ANO10: variants seen among roughly 807,000 people sequenced by gnomAD.
ANO10 encodes anoctamin-10.
A neutral mutation model predicts 74.7 loss-of-function variants in ANO10; 77 were observed. That is an observed-to-expected ratio of 1.03 (90% CI 0.86 to 1.25). ANO10 has a LOEUF of 1.25. ANO10 is among the 50% of genes most tolerant of loss of function. ANO10 has a pLI of 0.00. For synonymous variants in ANO10, 279 were observed against 284.9 expected (o/e 0.98, Z 0.21); for missense variants, 721 against 778.1 (o/e 0.93, Z 0.87).
chr3:43,395,015 C>T lies in ANO10; in HGVS notation c.1915-28041G>A, dbSNP rs528590877. ...TTTGCTGGACTCTTTTGCTGCTTGGCTTTTTCTCCTAGTGAAGAAAGGGTA... is the reference window on the plus strand; with the variant it reads ...TTTGCTGGACTCTTTTGCTGCTTGGTTTTTTCTCCTAGTGAAGAAAGGGTA... On this transcript the variant is annotated intron_variant, in intron 12 of 12. Transcript: ENST00000292246. 1.9e-3 allele frequency among the ~76,000 whole-genome samples: 287 copies of T among 152,208 alleles called. 2 individuals are homozygous for T. Among genetic ancestry groups the T allele is most frequent in the Non-Finnish European group, 1.8e-3 (122 of 68,006 alleles).
intron 1 of ANO10, among the ~76,000 whole-genome samples, chr3:43,643,091 G>C (rs2083687341): frequency 6.6e-6 from 1 of 151,294 alleles, no homozygotes; most frequent in Non-Finnish European, 1.5e-5. Flanking sequence ...GAGTGCAGTG[G>C]CGCAATCTCG....
chr3:43,513,178 C>A (rs2077575894), intron 11 of ANO10, among the ~76,000 whole-genome samples: 1 of 152,196 alleles, frequency 6.6e-6, no homozygotes, highest in Non-Finnish European at 1.5e-5. Context: ...AGAAACAGAG[C>A]TCTGTTCACA....
chr3:43,482,217 C>T (rs748139662), intron 11 of ANO10, among the ~76,000 whole-genome samples: 15 of 151,982 alleles, frequency 9.9e-5, no homozygotes, highest in Non-Finnish European at 1.6e-4. Flanking sequence ...TGTGAGCCAC[C>T]GCCCCCAGCC....
At chr3:43,622,905 A>C (rs1235036881), upstream of ANO10, among the ~76,000 whole-genome samples, 1 of 152,096 alleles carries the variant, frequency 6.6e-6, no homozygotes, top group East Asian at 1.9e-4. Flanking sequence ...TCGCAATGTC[A>C]CCCAGGCTGG....
intron 11 of ANO10, among the ~76,000 whole-genome samples, chr3:43,434,175 C>T (rs948028450): frequency 1.3e-5 from 2 of 152,108 alleles, no homozygotes; most frequent in Non-Finnish European, 1.5e-5. Flanking sequence ...CTGGTATTAA[C>T]AAGAGACAAA....
intron 7 of ANO10, among the ~76,000 whole-genome samples, chr3:43,566,315 G>A (rs1481391649): frequency 5.9e-5 from 9 of 152,196 alleles, no homozygotes; most frequent in African/African-American, 1.2e-4. Flanking sequence ...TGGGAAGCTC[G>A]AACTGGGTGG....
intron 11 of ANO10, among the ~76,000 whole-genome samples, chr3:43,538,725 T>C (rs922742902): frequency 5.9e-5 from 9 of 152,114 alleles, no homozygotes; most frequent in Non-Finnish European, 1.0e-4. Flanking sequence ...AGAGGCTAGA[T>C]GCAGAGGGGG....
In ANO10 at chr3:43,580,391, G is replaced by C. The variant is rs766071472; in HGVS notation, c.554C>G (p.Thr185Ser). The C allele has an allele frequency of 1.2e-6, 2 of 1,614,082 alleles. No individual in the cohort carries two copies. The highest frequency in any genetic ancestry group is 1.1e-5 in the South Asian group (1 of 91,084). Residue 185 changes from threonine to serine, a missense_variant, in exon 5 of 13, where the codon ACC becomes AGC. Coordinates refer to ENST00000292246, the MANE Select transcript of ANO10 (RefSeq NM_018075.5). Reference protein sequence around the residue: ...DSEALKKLEDTWYTRFALKYQ... With the variant: ...DSEALKKLEDSWYTRFALKYQ... ...CTTCAAAGCAAACCGAGTGTACCAG[G>C]TGTCCTCAAGCTTCTTCAGGGCTTC...
chr3:43,585,576 A>G (rs547136130), intron 4 of ANO10, among the ~76,000 whole-genome samples: 2 of 152,322 alleles, frequency 1.3e-5, no homozygotes, highest in South Asian at 4.1e-4. Context: ...ATCAAAGAGC[A>G]CACACACTCT....
chr3:43,668,606 C>T (rs577277718), intron 1 of ANO10, among the ~76,000 whole-genome samples: 3 of 151,834 alleles, frequency 2.0e-5, no homozygotes, highest in Non-Finnish European at 2.9e-5. Flanking sequence ...TTTTTGTATA[C>T]GGTAATAGAT....
At chr3:43,437,211 A>G (rs954870294) in intron 11 of ANO10, among the ~76,000 whole-genome samples, 9 of 152,200 alleles carry the variant, frequency 5.9e-5, no homozygotes, top group African/African-American at 9.6e-5. Context: ...GATGTATTCT[A>G]AAAGAAACAA....
chr3:43,397,425 T>C (rs2092402804), intron 12 of ANO10, among the ~76,000 whole-genome samples: 3 of 152,126 alleles, frequency 2.0e-5, no homozygotes, highest in Admixed American at 2.0e-4. Flanking sequence ...GGGGCGTATA[T>C]TTATATTCCT....
At chr3:43,630,046 G>A (rs1286697098) in intron 1 of ANO10, among the ~76,000 whole-genome samples, 1 of 152,126 alleles carries the variant, frequency 6.6e-6, no homozygotes, top group Non-Finnish European at 1.5e-5. Flanking sequence ...AGGAACTTGG[G>A]AAAGACTGGC....
intron 3 of ANO10, 33 bp from the exon 4 acceptor site, chr3:43,598,699 A>G (rs1260783261): frequency 1.3e-6 from 2 of 1,505,992 alleles, no homozygotes; most frequent in Non-Finnish European, 1.8e-6. Context: ...AGATTTTAGT[A>G]ATAATCAAAA....
intron 10 of ANO10, 30 bp downstream of exon 10, chr3:43,555,248 A>T (rs1575415433): frequency 1.2e-6 from 2 of 1,604,822 alleles, no homozygotes; most frequent in Non-Finnish European, 1.7e-6. Flanking sequence ...TTTATTTTTT[A>T]AAGGAATAAT....
chr3:43,560,408 T>C (rs757507851), intron 9 of ANO10, among the ~76,000 whole-genome samples: 45 of 152,134 alleles, frequency 3.0e-4, no homozygotes, highest in Non-Finnish European at 5.7e-4. Flanking sequence ...AGAAAAATTA[T>C]GAAAGTCAGT....
chr3:43,404,674 G>T (rs905017742), intron 12 of ANO10, among the ~76,000 whole-genome samples: 2 of 151,928 alleles, frequency 1.3e-5, no homozygotes, highest in Non-Finnish European at 2.9e-5. Flanking sequence ...TTGAGCCCAG[G>T]AGTTTGAGAC....
At chr3:43,423,761 T>A (rs1029168582) in intron 12 of ANO10, among the ~76,000 whole-genome samples, 3 of 152,184 alleles carry the variant, frequency 2.0e-5, no homozygotes, top group Admixed American at 6.5e-5. Context: ...TACCTGCAAA[T>A]GGCTAACAGA....
chr3:43,590,614 G>A lies in ANO10; in HGVS notation c.472+7918C>T, dbSNP rs149340990. Among the ~76,000 whole-genome samples the A allele has an allele frequency of 7.2e-5, 11 of 152,202 alleles. No individual in the cohort carries two copies. In the East Asian group the frequency reaches 2.1e-3, roughly 29 times the overall value. The stretch of plus-strand genomic sequence containing the variant: ...AAACGATCTAAGAGACAAATGGCAT[G>A]GTCTCTTCAGCAAGTTGATGCCATG... On this transcript the variant is annotated intron_variant, in intron 4 of 12. Transcript: ENST00000292246.
Sources: allele counts gnomAD v4.1 joint callset (sites outside exome capture counted in the v4.1 genomes callset), GRCh38; gene constraint gnomAD v4.1.1; transcripts MANE v1.5; gene names NCBI Gene and HGNC (gene_info 2026-07-23, HGNC 2026-07-21).